The following SMC5 variants were observed in gnomAD, a reference collection of about 807,000 sequenced individuals.
SMC5 encodes the protein structural maintenance of chromosomes 5.
SMC5 carries 88 observed loss-of-function variants against 148.3 expected under a neutral mutation model. The ratio of observed to expected loss-of-function variants is 0.59; its 90% CI spans 0.50 to 0.71. The LOEUF (loss-of-function observed/expected upper bound fraction) is 0.71, where lower values mean the gene tolerates loss of function less well. Ranked by LOEUF, SMC5 falls within the 30% of genes least tolerant of loss-of-function variation. The pLI is 0.00. For missense variants in SMC5, 1,142 were observed against 1,298.9 expected, an observed-to-expected ratio of 0.88 and a Z score of 1.86; for synonymous variants, 421 against 432.8, an observed-to-expected ratio of 0.97 and a Z score of 0.34.
chr9:70,294,597 A>G (rs907966494), intron 8 of SMC5, among the ~76,000 whole-genome samples: 11 of 152,190 alleles, frequency 7.2e-5, no homozygotes, highest in Non-Finnish European at 1.5e-4. Context: ...TAGAGTAGGA[A>G]TACCAGAGTA....
intron 10 of SMC5, among the ~76,000 whole-genome samples, chr9:70,302,873 C>A (rs1431544749): frequency 1.3e-5 from 2 of 152,052 alleles, no homozygotes; most frequent in African/African-American, 4.8e-5. Flanking sequence ...ATTGAATTGC[C>A]ATGTAAACCA....
intron 10 of SMC5, among the ~76,000 whole-genome samples, chr9:70,303,582 A>G (rs1213729476): frequency 6.6e-6 from 1 of 152,166 alleles, no homozygotes; most frequent in Non-Finnish European, 1.5e-5. Context: ...TTAAAATAGC[A>G]CTATTGGCCA....
chr9:70,301,114 G>C (rs1216492932), intron 10 of SMC5, among the ~76,000 whole-genome samples: 1 of 152,078 alleles, frequency 6.6e-6, no homozygotes, highest in African/African-American at 2.4e-5. Context: ...ATCAAGAAGA[G>C]AATTTCTATT....
chr9:70,299,631 C>T lies in SMC5; in HGVS notation c.1310-415C>T, dbSNP rs73647457. ...AGGAATTAACTTCAGAGTCTTTGCA[C>T]CCTTTAAAATATTCTTATTTCATCA... On this transcript the variant is annotated intron_variant, in intron 9 of 24. Transcript: ENST00000361138. Among the ~76,000 whole-genome samples the T allele has an allele frequency of 8.3e-3, 1,254 of 151,882 alleles. 17 individuals are homozygous for T. The highest frequency in any genetic ancestry group is 0.029 in the African/African-American group (1,208 of 41,472).
intron 1 of SMC5, among the ~76,000 whole-genome samples, chr9:70,261,217 A>G (rs994750594): frequency 2.0e-5 from 3 of 152,248 alleles, no homozygotes; most frequent in Non-Finnish European, 4.4e-5. Context: ...TTACTATGCT[A>G]AGAAGTTCCG....
At chr9:70,344,117 A>G (rs2036598079) in intron 17 of SMC5, 27 bp from the exon 18 acceptor site, 2 of 1,408,952 alleles carry the variant, frequency 1.4e-6, no homozygotes, top group Non-Finnish European at 1.9e-6. Flanking sequence ...TTAACATTCA[A>G]ATTTTCAAAA....
chr9:70,267,053 C>T (rs1179595054), intron 2 of SMC5, among the ~76,000 whole-genome samples: 1 of 147,748 alleles, frequency 6.8e-6, no homozygotes, highest in Non-Finnish European at 1.5e-5. Flanking sequence ...TTTTTTCTCC[C>T]ATCTTTCTGG....
At chr9:70,296,812 A>C (rs2035214603) in intron 8 of SMC5, among the ~76,000 whole-genome samples, 1 of 152,220 alleles carries the variant, frequency 6.6e-6, no homozygotes, top group Non-Finnish European at 1.5e-5. Context: ...TGTCCTAAAG[A>C]AAATCTTTAC....
chr9:70,265,330 G>A (rs867267202), intron 2 of SMC5, among the ~76,000 whole-genome samples: 9 of 152,170 alleles, frequency 5.9e-5, no homozygotes, highest in Middle Eastern at 3.4e-3. Flanking sequence ...ATGGTGGCGG[G>A]TGCCTGTAAT....
At chr9:70,303,967 C>T (rs187822798) in intron 10 of SMC5, among the ~76,000 whole-genome samples, 1 of 152,296 alleles carries the variant, frequency 6.6e-6, no homozygotes, top group East Asian at 1.9e-4. Context: ...CTACTTTCAA[C>T]ATAGTTATTC....
intron 4 of SMC5, among the ~76,000 whole-genome samples, 165 bp downstream of exon 4, chr9:70,277,637 TGTA>T (rs1294523957): frequency 6.6e-6 from 1 of 152,130 alleles, no homozygotes; most frequent in Non-Finnish European, 1.5e-5. Flanking sequence ...GTTATTAATT[TGTA>T]GTAATTTGGA....
chr9:70,294,982 G>A (rs1422611185), intron 8 of SMC5, among the ~76,000 whole-genome samples: 2 of 152,134 alleles, frequency 1.3e-5, no homozygotes, highest in Non-Finnish European at 2.9e-5. Flanking sequence ...GACAAAGTCT[G>A]ACCCCAAGAT....
rs768926946 is a variant in SMC5, at chr9:70,280,847, G to A, written c.767G>A (p.Arg256Gln). The part of the protein sequence containing the change: ...YKQDVERFYE[R>Q]KRHLDLIEML... The stretch of plus-strand genomic sequence containing the variant: ...CAAGATGTGGAGAGGTTCTATGAAC[G>A]GAAGCGACATTTAGATTTAATTGAG... Residue 256 changes from arginine to glutamine, a missense_variant, in exon 6 of 25, where the codon CGG (arginine) becomes CAG (glutamine). By Grantham distance (43) the Arg-to-Gln change is conservative. Coordinates refer to ENST00000361138, the MANE Select transcript of SMC5 (RefSeq NM_015110.4). 7.4e-6 allele frequency: 12 copies of A among 1,613,970 alleles called. No homozygotes were observed. The highest frequency in any genetic ancestry group is 6.7e-5 in the East Asian group (3 of 44,848).
chr9:70,345,949 A>G (rs1352087064), intron 18 of SMC5, among the ~76,000 whole-genome samples: 3 of 152,170 alleles, frequency 2.0e-5, no homozygotes, highest in South Asian at 4.1e-4. Context: ...AGTCTTAGGT[A>G]TCTTTTAGTG....
At chr9:70,317,953 C>T (rs1158293224) in intron 13 of SMC5, among the ~76,000 whole-genome samples, 2 of 127,012 alleles carry the variant, frequency 1.6e-5, no homozygotes, top group African/African-American at 3.6e-5. Context: ...GTGCTGAGCA[C>T]TCTTCTCTCC....
chr9:70,277,209 T>C (rs2034616508), intron 3 of SMC5, 101 bp from the exon 4 acceptor site: 2 of 910,020 alleles, frequency 2.2e-6, no homozygotes, highest in African/African-American at 1.7e-5. Flanking sequence ...ATAATAATAA[T>C]TCTATCTGGC....
intron 17 of SMC5, among the ~76,000 whole-genome samples, chr9:70,327,583 T>C (rs2036113929): frequency 6.6e-6 from 1 of 152,094 alleles, no homozygotes; most frequent in Admixed American, 6.6e-5. Flanking sequence ...CTTTGAAAAA[T>C]GGTTAAATAG....
At position 70,278,505 on chromosome 9, in the gene SMC5, A is replaced by G; in HGVS notation, c.558A>G (p.Glu186=). 1 of 1,606,034 alleles carries G rather than the reference A, an allele frequency of 6.2e-7. No homozygotes were observed. Among genetic ancestry groups the G allele is most frequent in the Admixed American group, 1.7e-5 (1 of 57,218 alleles). The change falls in exon 5 of 25, where the codon GAA becomes GAG. Residue 186 remains glutamate (E), a synonymous_variant. Coordinates refer to ENST00000361138, the MANE Select transcript of SMC5 (RefSeq NM_015110.4). The part of the protein sequence containing the change: ...CQFLPQDKVG[E]FAKLSKIELL... ...TTGTGCTCTAGGACAAAGTTGGAGA[A>G]TTTGCTAAACTCAGCAAAATTGAAC...
At chr9:70,276,087 C>T (rs1428570266) in intron 3 of SMC5, among the ~76,000 whole-genome samples, 5 of 152,188 alleles carry the variant, frequency 3.3e-5, no homozygotes, top group Non-Finnish European at 7.3e-5. Context: ...AAATTATTAA[C>T]TTCTGCCAGA....
Sources: allele counts gnomAD v4.1 joint callset (sites outside exome capture counted in the v4.1 genomes callset), GRCh38; gene constraint gnomAD v4.1.1; transcripts MANE v1.5; gene names NCBI Gene and HGNC (gene_info 2026-07-23, HGNC 2026-07-21).